Variants in COL25A1 observed in about 807,000 individuals in gnomAD.
COL25A1 encodes the protein collagen type XXV alpha 1 chain.
Under a neutral mutation model 128.4 loss-of-function variants are expected in COL25A1, and 103 were observed. That is an observed-to-expected ratio of 0.80 (90% CI 0.68 to 0.94). The LOEUF (loss-of-function observed/expected upper bound fraction) is 0.94, where lower values mean the gene tolerates loss of function less well. Among genes scored for constraint, COL25A1 ranks in the 40% least tolerant of loss-of-function variants. The probability of loss-of-function intolerance (pLI) is 0.00; values close to 1 mark genes in which losing one functional copy is unlikely to be tolerated. For missense variants in COL25A1, 745 were observed against 840.0 expected (o/e 0.89, Z 1.40); for synonymous variants, 279 against 277.2 (o/e 1.01, Z -0.06).
chr4:109,177,917 GT>G (rs1774248867), intron 3 of COL25A1, among the ~76,000 whole-genome samples: 1 of 152,170 alleles, frequency 6.6e-6, no homozygotes, highest in African/African-American at 2.4e-5. Context: ...AGAGAGACAT[GT>G]TAATCTTGTG....
In COL25A1 at chr4:108,977,847, T is replaced by C. The variant is rs567833276; in HGVS notation, c.439-3288A>G. On this transcript the variant is annotated intron_variant, in intron 6 of 37. Transcript: ENST00000399132. ...CAGCTACATCAAGGTCAACTGTTACTATAGACACCTCCCCAGCCTCCATAT... is the reference window on the plus strand; with the variant it reads ...CAGCTACATCAAGGTCAACTGTTACCATAGACACCTCCCCAGCCTCCATAT... Among the ~76,000 whole-genome samples the C allele has an allele frequency of 2.7e-4, 41 of 152,310 alleles. No individual in the cohort carries two copies. In the South Asian group the frequency reaches 8.5e-3, roughly 32 times the overall value.
At chr4:108,995,101 C>T (rs538275466) in intron 6 of COL25A1, among the ~76,000 whole-genome samples, 1 of 152,304 alleles carries the variant, frequency 6.6e-6, no homozygotes, top group South Asian at 2.1e-4. Context: ...GGCAACAAAA[C>T]TGGATGGAGA....
intron 8 of COL25A1, among the ~76,000 whole-genome samples, chr4:108,969,107 C>T (rs60959587): frequency 0.016 from 2,449 of 152,212 alleles, 75 homozygotes; most frequent in African/African-American, 0.056. Context: ...ACCAAATGCT[C>T]CTCTATCAGT....
chr4:108,841,804 G>A, intron 30 of COL25A1, 83 bp from the exon 31 acceptor site: 2 of 1,083,780 alleles, frequency 1.8e-6, no homozygotes, highest in East Asian at 2.4e-5. Context: ...CATAACAAAA[G>A]AGATGTGAGA....
intron 3 of COL25A1, among the ~76,000 whole-genome samples, chr4:109,090,626 C>A (rs1174149898): frequency 6.6e-6 from 1 of 152,156 alleles, no homozygotes; most frequent in East Asian, 1.9e-4. Flanking sequence ...TAAATGAGTG[C>A]TATTTTTTAA....
intron 5 of COL25A1, among the ~76,000 whole-genome samples, chr4:109,042,621 A>G (rs1380241721): frequency 1.3e-5 from 2 of 152,124 alleles, no homozygotes; most frequent in East Asian, 1.9e-4. Flanking sequence ...GCTATTATAG[A>G]AAAAATACAG....
At chr4:109,072,743 C>G (rs1218005814) in intron 3 of COL25A1, among the ~76,000 whole-genome samples, 1 of 152,200 alleles carries the variant, frequency 6.6e-6, no homozygotes, top group Admixed American at 6.5e-5. Context: ...CACTATGCAT[C>G]TCCACTCTCA....
intron 6 of COL25A1, among the ~76,000 whole-genome samples, chr4:108,975,828 A>T (rs181051696): frequency 6.8e-4 from 103 of 152,146 alleles, no homozygotes; most frequent in African/African-American, 2.4e-3. Flanking sequence ...GTCTCTTCAT[A>T]CCTTTTGTCC....
intron 3 of COL25A1, among the ~76,000 whole-genome samples, chr4:109,073,534 A>ATTGTT (rs60084733): frequency 0.11 from 17,489 of 152,168 alleles, 1,266 homozygotes; most frequent in African/African-American, 0.21. Flanking sequence ...ATAACATTTC[A>ATTGTT]GATTGCTAGA....
intron 3 of COL25A1, among the ~76,000 whole-genome samples, chr4:109,073,662 C>T (rs775249795): frequency 2.0e-5 from 3 of 152,194 alleles, no homozygotes; most frequent in Non-Finnish European, 2.9e-5. Context: ...CAATAATTTA[C>T]ATACTTTGAG....
intron 3 of COL25A1, among the ~76,000 whole-genome samples, chr4:109,104,338 A>G (rs375759547): frequency 6.4e-4 from 98 of 152,010 alleles, no homozygotes; most frequent in African/African-American, 2.2e-3. Context: ...GTGCCACTAC[A>G]CTCCAGCCTG....
intron 6 of COL25A1, among the ~76,000 whole-genome samples, chr4:109,000,406 ATCTG>A (rs1453681238): frequency 2.0e-5 from 3 of 152,178 alleles, no homozygotes; most frequent in Non-Finnish European, 4.4e-5. Context: ...GAATTATGTA[ATCTG>A]TCTGACCAAA....
At chr4:108,935,395 G>A (rs2125920143) in intron 11 of COL25A1, among the ~76,000 whole-genome samples, 1 of 152,286 alleles carries the variant, frequency 6.6e-6, no homozygotes, top group African/African-American at 2.4e-5. Context: ...TTCACTTGGT[G>A]AAAATTCACT....
chr4:109,296,443 T>C, intron 3 of COL25A1, among the ~76,000 whole-genome samples: 1 of 152,044 alleles, frequency 6.6e-6, no homozygotes, highest in East Asian at 1.9e-4. Context: ...TTTTTAAAGA[T>C]TTGTCTGTCA....
intron 10 of COL25A1, 89 bp from the exon 11 acceptor site, chr4:108,937,932 G>A (rs1393474863): frequency 6.1e-6 from 6 of 978,784 alleles, no homozygotes; most frequent in South Asian, 1.5e-5. Flanking sequence ...ACTGGGGCAT[G>A]TAAATGTCAA....
intron 37 of COL25A1, 41 bp from the exon 38 acceptor site, chr4:108,813,970 G>C (rs770570342): frequency 6.7e-7 from 1 of 1,500,862 alleles, no homozygotes. Flanking sequence ...CATGGAATTA[G>C]TAGTCTTGAA....
chr4:108,982,210 C>G (rs777373359), intron 6 of COL25A1, among the ~76,000 whole-genome samples: 2 of 151,960 alleles, frequency 1.3e-5, no homozygotes, highest in Non-Finnish European at 2.9e-5. Flanking sequence ...CACACACACA[C>G]AAACAAAACA....
intron 27 of COL25A1, among the ~76,000 whole-genome samples, 165 bp from the exon 28 acceptor site, chr4:108,846,384 A>G (rs373679744): frequency 2.6e-5 from 4 of 152,244 alleles, no homozygotes; most frequent in African/African-American, 9.6e-5. Flanking sequence ...GCAACCTTCT[A>G]CATGCAATCA....
chr4:109,301,119 A>G (rs1031942330), intron 2 of COL25A1, among the ~76,000 whole-genome samples: 25 of 152,162 alleles, frequency 1.6e-4, no homozygotes, highest in African/African-American at 5.5e-4. Flanking sequence ...GTACCCTTAC[A>G]CATAACATAG....
Sources: gnomAD v4.1 joint callset for allele counts (sites outside exome capture counted in the v4.1 genomes callset) on GRCh38, gnomAD v4.1.1 for gene constraint, MANE v1.5 for transcripts, NCBI Gene and HGNC (gene_info 2026-07-23, HGNC 2026-07-21) for gene names.